Variants in SEMA7A observed in about 807,000 individuals in gnomAD.
SEMA7A encodes the protein semaphorin-7A.
SEMA7A carries 21 observed loss-of-function variants against 67.5 expected under a neutral mutation model. That is an observed-to-expected ratio of 0.31 (90% confidence interval 0.22 to 0.45). The LOEUF is 0.45. Ranked by LOEUF, SEMA7A falls within the 20% of genes least tolerant of loss-of-function variation. The pLI is 1.00. For synonymous variants in SEMA7A, 364 were observed against 368.5 expected (o/e 0.99, Z 0.14); for missense variants, 774 against 908.6 (o/e 0.85, Z 1.90).
intron 10 of SEMA7A, among the ~76,000 whole-genome samples, chr15:74,413,519 T>C (rs28362922): frequency 0.038 from 5,717 of 152,264 alleles, 184 homozygotes; most frequent in African/African-American, 0.086. Flanking sequence ...CCGCACTGTG[T>C]GACCTCTCCT....
chr15:74,418,115 G>T, intron 3 of SEMA7A, 146 bp from the exon 4 acceptor site: 1 of 1,137,408 alleles, frequency 8.8e-7, no homozygotes. Context: ...CAGAGTGTGT[G>T]CAGCTGACGC....
chr15:74,421,030 A>T (rs2060996263), intron 1 of SEMA7A, among the ~76,000 whole-genome samples: 1 of 152,228 alleles, frequency 6.6e-6, no homozygotes, highest in Admixed American at 6.5e-5. Context: ...CGGCAAGGCC[A>T]ATGTACAACT....
At chr15:74,433,479 G>T in intron 1 of SEMA7A, 2 of 1,028,906 alleles carry the variant, frequency 1.9e-6, no homozygotes, top group Non-Finnish European at 2.4e-6. Flanking sequence ...TGCGGCTCCT[G>T]GCTGCCAGGG....
In SEMA7A at chr15:74,418,683, G is replaced by A. The variant is rs1016774627; in HGVS notation, c.330+118C>T. The A allele has an allele frequency of 2.3e-5, 26 of 1,110,634 alleles. No homozygotes were observed. The African/African-American group carries it at 2.5e-4, about 11-fold the overall frequency. The allele number at this position is 1,110,634 out of a possible 1,614,324, so 68.8% of individuals were successfully genotyped here. On this transcript the variant is annotated intron_variant, in intron 2 of 13. Transcript: ENST00000261918. ...CCCCCAGGAGCCATTTATAGGATAC[G>A]GAGGTGGGGGCAGTTTAGGAAGAGA...
chr15:74,413,752 C>T lies in SEMA7A; in HGVS notation c.1294+795G>A, dbSNP rs551652663. Among the ~76,000 whole-genome samples the T allele has an allele frequency of 5.8e-4, 88 of 152,234 alleles. 1 individual carries two copies. The South Asian group carries it at 9.1e-3, about 16-fold the overall frequency. The stretch of plus-strand genomic sequence containing the variant: ...GGGTTCCAGTTTCCTACAAGGTCAC[C>T]AAAGCCGAGACAGTTCCAAGGTGAA... On this transcript the variant is annotated intron_variant, in intron 10 of 13. Coordinates refer to ENST00000261918, the MANE Select transcript of SEMA7A (RefSeq NM_003612.5).
chr15:74,411,469 A>G lies in SEMA7A; in HGVS notation c.1577+87T>C. The G allele has an allele frequency of 6.5e-7, 1 of 1,544,886 alleles. No homozygotes were observed. Among genetic ancestry groups the G allele is most frequent in the Non-Finnish European group, 8.7e-7 (1 of 1,143,306 alleles). ...GAGGAGGGTCCCACAAGAAAGGCCC[A>G]GTACCGCCACCTCCTCCAGCCCGAC... On this transcript the variant is annotated intron_variant, in intron 12 of 13. Transcript: ENST00000261918. This position sits in a 1 kb window ranked among gnomAD's most constrained non-coding sequence, Gnocchi z 4.4.
rs878993583 is a variant in SEMA7A, at chr15:74,411,237, G to A, written c.1639+58C>T. 6.4e-6 allele frequency: 10 copies of A among 1,560,350 alleles called. No individual in the cohort carries two copies. In the Admixed American group the frequency reaches 1.5e-4, roughly 24 times the overall value. On this transcript the variant is annotated intron_variant, in intron 13 of 13. Coordinates refer to ENST00000261918, the MANE Select transcript of SEMA7A (RefSeq NM_003612.5). The surrounding 1 kb of genome is among the most constrained non-coding windows in gnomAD (Gnocchi z 4.4). The stretch of plus-strand genomic sequence containing the variant: ...TGTCTCCCTCAGACCAGGACAATCA[G>A]GGCAGGGCAGTACCCCACTCATTGG...
chr15:74,413,751 C>T (rs2060921527), intron 10 of SEMA7A, among the ~76,000 whole-genome samples: 1 of 152,182 alleles, frequency 6.6e-6, no homozygotes, highest in African/African-American at 2.4e-5. Flanking sequence ...TACAAGGTCA[C>T]CAAAGCCGAG....
In SEMA7A at chr15:74,433,936, G is replaced by A; in HGVS notation, c.-18C>T. The A allele has an allele frequency of 1.6e-6, 2 of 1,242,688 alleles. No individual in the cohort carries two copies. Among genetic ancestry groups the A allele is most frequent in the Non-Finnish European group, 2.0e-6 (2 of 995,724 alleles). 77.0% of individuals were successfully genotyped at this position (1,242,688 alleles called of 1,614,324 possible). On this transcript the variant is annotated 5_prime_UTR_variant, in exon 1 of 14. Transcript: ENST00000261918. ...GGCGTCATCCCGTGGCCCCGGGAGC[G>A]ACAGCGGCAATCAGCCGAGACTGAG...
chr15:74,433,205 C>T (rs2061105608), intron 1 of SEMA7A, among the ~76,000 whole-genome samples: 1 of 148,174 alleles, frequency 6.7e-6, no homozygotes, highest in African/African-American at 2.4e-5. Flanking sequence ...CTGGCCCGAG[C>T]TCCGGGCCGG....
Position 74,415,779 on chromosome 15 carries a change from C to T in SEMA7A, c.986+22G>A, listed in dbSNP as rs745673392. 3.1e-6 allele frequency: 5 copies of T among 1,600,166 alleles called. No homozygotes were observed. The South Asian group carries it at 5.6e-5, about 18-fold the overall frequency. Reference sequence around the variant, plus strand: ...GACACTGAACCAATGCCAGCCCCGGCCCCAGGACAAGGGCCACTCACCAGG... The same window carrying T: ...GACACTGAACCAATGCCAGCCCCGGTCCCAGGACAAGGGCCACTCACCAGG... On this transcript the variant is annotated intron_variant, in intron 8 of 13. Transcript: ENST00000261918.
At chr15:74,415,774 C>G in intron 8 of SEMA7A, 27 bp downstream of exon 8, 1 of 1,592,768 alleles carries the variant, frequency 6.3e-7, no homozygotes, top group Non-Finnish European at 8.6e-7. Flanking sequence ...CAATGCCAGC[C>G]CCGGCCCCAG....
chr15:74,433,620 G>T (rs2061113181), intron 1 of SEMA7A, 121 bp downstream of exon 1: 1 of 1,280,138 alleles, frequency 7.8e-7, no homozygotes, highest in Non-Finnish European at 9.8e-7. Flanking sequence ...CGGGGACAGC[G>T]CGGGGACAGC....
chr15:74,429,250 AGCTAGTG>A (rs2061067674), intron 1 of SEMA7A, among the ~76,000 whole-genome samples: 1 of 152,094 alleles, frequency 6.6e-6, no homozygotes, highest in African/African-American at 2.4e-5. Flanking sequence ...ACAGGCTATC[AGCTAGTG>A]GCCCATCTAC....
At chr15:74,415,372 C>T (rs1381269720) in intron 8 of SEMA7A, among the ~76,000 whole-genome samples, 4 of 152,192 alleles carry the variant, frequency 2.6e-5, no homozygotes, top group African/African-American at 2.4e-5. Flanking sequence ...TCCCCACACA[C>T]ACCCAACACT....
In SEMA7A at chr15:74,411,888, C is replaced by G. The variant is rs1315805550; in HGVS notation, c.1419G>C (p.Glu473Asp). 2.5e-6 allele frequency: 4 copies of G among 1,613,856 alleles called. No homozygotes were observed. The highest frequency in any genetic ancestry group is 3.4e-6 in the Non-Finnish European group (4 of 1,179,990). The change falls in exon 11 of 14, where the codon GAG becomes GAC. Residue 473 changes from glutamate to aspartate, a missense_variant. By Grantham distance (45) the Glu-to-Asp change is conservative. Coordinates refer to ENST00000261918, the MANE Select transcript of SEMA7A (RefSeq NM_003612.5). This position sits in a 1 kb window ranked among gnomAD's most constrained non-coding sequence, Gnocchi z 4.4. Reference protein sequence around the residue: ...AAIQTMSLDAERRKLYVSSQW... With the variant: ...AAIQTMSLDADRRKLYVSSQW... Reference sequence around the variant, plus strand: ...GACGCAGTGGGGGAAGGCTCACCCGCTCAGCATCCAGCGACATGGTCTGGA... The same window carrying G: ...GACGCAGTGGGGGAAGGCTCACCCGGTCAGCATCCAGCGACATGGTCTGGA...
At chr15:74,426,603 C>T (rs1042650271) in intron 1 of SEMA7A, among the ~76,000 whole-genome samples, 2 of 152,164 alleles carry the variant, frequency 1.3e-5, no homozygotes, top group South Asian at 4.1e-4. Flanking sequence ...CCCAAGATCT[C>T]GCTCAGAACA....
intron 6 of SEMA7A, 24 bp from the exon 7 acceptor site, chr15:74,416,738 G>A (rs984856906): frequency 6.2e-7 from 1 of 1,610,572 alleles, no homozygotes; most frequent in African/African-American, 1.3e-5. Flanking sequence ...AGGCGAGTGG[G>A]CGTAAGGCTG....
At chr15:74,430,585 A>C (rs1266491338) in intron 1 of SEMA7A, among the ~76,000 whole-genome samples, 1 of 152,150 alleles carries the variant, frequency 6.6e-6, no homozygotes, top group Non-Finnish European at 1.5e-5. Context: ...CTGCTCTCAG[A>C]ATCTTCACTG....
Sources: allele counts gnomAD v4.1 joint callset (sites outside exome capture counted in the v4.1 genomes callset), GRCh38; gene constraint gnomAD v4.1.1; non-coding constraint Gnocchi (gnomAD v3.1); transcripts MANE v1.5; gene names NCBI Gene and HGNC (gene_info 2026-07-23, HGNC 2026-07-21).